The following PDRG1 variants were observed in gnomAD, a reference collection of about 807,000 sequenced individuals.
The protein encoded by PDRG1 is p53 and DNA damage regulated 1.
In PDRG1, 14 loss-of-function variants were observed where a neutral mutation model predicts 18.4. The observed-to-expected ratio is 0.76, with a 90% CI of 0.50 to 1.19. PDRG1 has a LOEUF of 1.19. Among genes scored for constraint, PDRG1 ranks in the 50% most tolerant of loss-of-function variants. The pLI, the probability that PDRG1 is intolerant of heterozygous loss-of-function variation, is 0.00. For synonymous variants in PDRG1, 65 were observed against 60.9 expected, an observed-to-expected ratio of 1.07 and a Z score of -0.31; for missense variants, 177 against 160.1, an observed-to-expected ratio of 1.11 and a Z score of -0.57.
rs563725983 is a variant in PDRG1 at position 31,951,579 on chromosome 20, G to A, written c.87+296C>T. On this transcript the variant is annotated intron_variant, in intron 1 of 4. Transcript: ENST00000202017. The stretch of plus-strand genomic sequence containing the variant: ...CTCCCCTGAGGGCCTTTACAGGGCG[G>A]TGCCCCTAGATCAACCATGGGGCCG... Among the ~76,000 whole-genome samples the A allele has an allele frequency of 2.7e-4, 41 of 151,608 alleles. No homozygotes were observed. The South Asian group carries it at 5.6e-3, about 21-fold the overall frequency.
chr20:31,945,720 C>T lies in PDRG1; in HGVS notation c.*87G>A. ...ACGGCTGGCCCCTTACAGGGCAGAT[C>T]CTGTCCTTACAGGTGTCAAGGTTGG... On this transcript the variant is annotated 3_prime_UTR_variant, in exon 5 of 5. Coordinates refer to ENST00000202017, the MANE Select transcript of PDRG1 (RefSeq NM_030815.3). The T allele has an allele frequency of 9.2e-7, 1 of 1,085,978 alleles. No homozygotes were observed. Among genetic ancestry groups the T allele is most frequent in the Non-Finnish European group, 1.4e-6 (1 of 734,282 alleles). 67.3% of individuals were successfully genotyped at this position (1,085,978 alleles called of 1,614,324 possible).
chr20:31,946,154 A>G (rs997068169), intron 4 of PDRG1, among the ~76,000 whole-genome samples: 3 of 152,192 alleles, frequency 2.0e-5, no homozygotes, highest in Non-Finnish European at 4.4e-5. Context: ...GCATTTATCA[A>G]GAATTTCAGC....
At position 31,945,178 on chromosome 20, in the gene PDRG1, C is replaced by T. The variant is rs1232317665; in HGVS notation, c.*629G>A. Reference sequence around the variant, plus strand: ...AGGCCTGGTGCAGGACTCTGCAAGGCCCTCCTGAGTAAAGAGTGGCCACGA... The same window carrying T: ...AGGCCTGGTGCAGGACTCTGCAAGGTCCTCCTGAGTAAAGAGTGGCCACGA... On this transcript the variant is annotated 3_prime_UTR_variant, in exon 5 of 5. Coordinates refer to ENST00000202017, the MANE Select transcript of PDRG1 (RefSeq NM_030815.3). 2 of 152,470 alleles carry T rather than the reference C, an allele frequency of 1.3e-5. No individual in the cohort carries two copies. The highest frequency in any genetic ancestry group is 4.8e-5 in the African/African-American group (2 of 41,432). 9.4% of individuals were successfully genotyped at this position (152,470 alleles called of 1,614,324 possible). A position where few individuals can be genotyped will look rare whatever the true frequency, so the allele number is the denominator to read the frequency against.
chr20:31,948,095 G>T (rs542410634), intron 3 of PDRG1, among the ~76,000 whole-genome samples: 1 of 152,172 alleles, frequency 6.6e-6, no homozygotes, highest in South Asian at 2.1e-4. Context: ...TATGGTTGTG[G>T]AAACTGAGTA....
chr20:31,948,223 T>C (rs1249048665), intron 3 of PDRG1, among the ~76,000 whole-genome samples: 2 of 152,216 alleles, frequency 1.3e-5, no homozygotes, highest in Non-Finnish European at 2.9e-5. Context: ...CCAGGCTCTC[T>C]TGCAGCTATG....
At chr20:31,948,087 T>G (rs1354712985) in intron 3 of PDRG1, among the ~76,000 whole-genome samples, 2 of 152,208 alleles carry the variant, frequency 1.3e-5, no homozygotes, top group Non-Finnish European at 1.5e-5. Flanking sequence ...TTCCAGATTA[T>G]GGTTGTGGAA....
intron 1 of PDRG1, among the ~76,000 whole-genome samples, chr20:31,951,525 C>T (rs1440669646): frequency 6.6e-6 from 1 of 151,812 alleles, no homozygotes; most frequent in Non-Finnish European, 1.5e-5. Flanking sequence ...GGTCACAAGG[C>T]CCCCTCAGGC....
chr20:31,946,658 C>T, intron 3 of PDRG1, 82 bp from the exon 4 acceptor site: 1 of 1,208,816 alleles, frequency 8.3e-7, no homozygotes, highest in Non-Finnish European at 1.2e-6. Flanking sequence ...CAGCCTCTCC[C>T]CAGCAAGGGC....
Position 31,950,231 on chromosome 20 carries a change from A to C in PDRG1, c.163+81T>G, listed in dbSNP as rs1287214263. 12 of 1,107,490 alleles carry C rather than the reference A, an allele frequency of 1.1e-5. No homozygotes were observed. In the East Asian group the frequency reaches 2.4e-4, roughly 22 times the overall value. The allele number at this position is 1,107,490 out of a possible 1,614,324, so 68.6% of individuals were successfully genotyped here. A position where few individuals can be genotyped will look rare whatever the true frequency, so the allele number is the denominator to read the frequency against. ...TTATACAGCTGTGACCTCCTGCCTGATCTCTATCAGGAACAAGGTAAAGGC... is the reference window on the plus strand; with the variant it reads ...TTATACAGCTGTGACCTCCTGCCTGCTCTCTATCAGGAACAAGGTAAAGGC... On this transcript the variant is annotated intron_variant, in intron 2 of 4. Coordinates refer to ENST00000202017, the MANE Select transcript of PDRG1 (RefSeq NM_030815.3).
chr20:31,945,671 G>C lies in PDRG1; in HGVS notation c.*136C>G, dbSNP rs1244764523. 9 of 648,778 alleles carry C rather than the reference G, an allele frequency of 1.4e-5. No homozygotes were observed. In the East Asian group the frequency reaches 2.6e-4, roughly 19 times the overall value. The allele number at this position is 648,778 out of a possible 1,614,324, so 40.2% of individuals were successfully genotyped here. ...TCACAGAGTAGCCAAGCACTACAAA[G>C]AGGTTTTCATGGCCAGATTCCTGAC... On this transcript the variant is annotated 3_prime_UTR_variant, in exon 5 of 5. Coordinates refer to ENST00000202017, the MANE Select transcript of PDRG1 (RefSeq NM_030815.3).
chr20:31,945,939 G>C, intron 4 of PDRG1, 50 bp from the exon 5 acceptor site: 1 of 1,510,614 alleles, frequency 6.6e-7, no homozygotes, highest in African/African-American at 1.4e-5. Context: ...GCTGGCTCTG[G>C]AGCCAGGCCC....
At chr20:31,946,364 A>C in intron 4 of PDRG1, 132 bp downstream of exon 4, 3 of 800,888 alleles carry the variant, frequency 3.7e-6, no homozygotes, top group Non-Finnish European at 6.4e-6. Flanking sequence ...CACTGTGCAC[A>C]CCTCCAGGGC....
At chr20:31,951,529 C>A (rs1235055823) in intron 1 of PDRG1, among the ~76,000 whole-genome samples, 1 of 152,120 alleles carries the variant, frequency 6.6e-6, no homozygotes, top group African/African-American at 2.4e-5. Flanking sequence ...ACAAGGCCCC[C>A]TCAGGCTTCT....
chr20:31,949,520 C>T (rs2064339150), intron 2 of PDRG1, among the ~76,000 whole-genome samples: 1 of 152,090 alleles, frequency 6.6e-6, no homozygotes, highest in South Asian at 2.1e-4. Flanking sequence ...TGCAGTGAGC[C>T]AAGATCATGC....
rs1368180064 is a variant in PDRG1, at chr20:31,950,326, TC to T, written c.148del (p.Asp50IlefsTer8). ...TTTCAACTTACCAGAGAGGCTGAGA[TC>T]CTTCTGCAGGGCCCTCAGGCCCTCT... ...NREGLRALQK[D>X]LSLSEDVMVC... On this transcript the variant is annotated frameshift_variant, in exon 2 of 5. Coordinates refer to ENST00000202017, the MANE Select transcript of PDRG1 (RefSeq NM_030815.3). LOFTEE classifies it high-confidence loss of function. The T allele has an allele frequency of 2.5e-6, 4 of 1,610,478 alleles. No individual in the cohort carries two copies. Among genetic ancestry groups the T allele is most frequent in the Non-Finnish European group, 3.4e-6 (4 of 1,176,794 alleles).
chr20:31,950,644 C>G (rs1437228177), intron 1 of PDRG1, among the ~76,000 whole-genome samples: 1 of 152,188 alleles, frequency 6.6e-6, no homozygotes, highest in Non-Finnish European at 1.5e-5. Flanking sequence ...TCTGCATTAT[C>G]CACTCGAACT....
rs1462791460 is a variant in PDRG1, at chr20:31,951,132, A to T, written c.87+743T>A. On this transcript the variant is annotated intron_variant, in intron 1 of 4. Coordinates refer to ENST00000202017, the MANE Select transcript of PDRG1 (RefSeq NM_030815.3). Reference sequence around the variant, plus strand: ...TACTTAATTTGACAGGATCTTGCCCAAGTTTTCCCCTTCTCAGTAAATACC... The same window carrying T: ...TACTTAATTTGACAGGATCTTGCCCTAGTTTTCCCCTTCTCAGTAAATACC... 4.6e-5 allele frequency among the ~76,000 whole-genome samples: 7 copies of T among 152,226 alleles called. No homozygotes were observed. The East Asian group carries it at 1.4e-3, about 29-fold the overall frequency.
At chr20:31,949,346 T>G (rs1600646002) in intron 2 of PDRG1, among the ~76,000 whole-genome samples, 1 of 152,096 alleles carries the variant, frequency 6.6e-6, no homozygotes, top group South Asian at 2.1e-4. Flanking sequence ...CCGAGGCAGG[T>G]GGATCACTTG....
In PDRG1 at chr20:31,944,697, C is replaced by T. The variant is rs1293405422; in HGVS notation, c.*1110G>A. 6.6e-6 allele frequency: 1 copy of T among 152,218 alleles called. No individual in the cohort carries two copies. The highest frequency in any genetic ancestry group is 1.5e-5 in the Non-Finnish European group (1 of 68,044). 9.4% of individuals were successfully genotyped at this position (152,218 alleles called of 1,614,324 possible). ...AAATATTTAAAAGGAGATTCAACTT[C>T]ACAACCCATATGTCTAGCTTCTCTT... On this transcript the variant is annotated 3_prime_UTR_variant, in exon 5 of 5. Transcript: ENST00000202017.
Sources: gnomAD v4.1 joint callset for allele counts (sites outside exome capture counted in the v4.1 genomes callset) on GRCh38, gnomAD v4.1.1 for gene constraint, MANE v1.5 for transcripts, NCBI Gene and HGNC (gene_info 2026-07-23, HGNC 2026-07-21) for gene names.